CDH13: variants seen among roughly 807,000 people sequenced by gnomAD.
The protein encoded by CDH13 is cadherin-13.
In CDH13, 24 loss-of-function variants were observed where a neutral mutation model predicts 63.8. The observed-to-expected ratio is 0.38, with a 90% CI of 0.27 to 0.53. CDH13 has a LOEUF of 0.53. Ranked by LOEUF, CDH13 falls within the 20% of genes least tolerant of loss-of-function variation. The pLI, the probability that CDH13 is intolerant of heterozygous loss-of-function variation, is 0.85. For synonymous variants in CDH13, 503 were observed against 355.3 expected, an observed-to-expected ratio of 1.42 and a Z score of -4.67; for missense variants, 1,049 against 903.1, an observed-to-expected ratio of 1.16 and a Z score of -2.07.
chr16:83,395,215 G>A (rs28452710), intron 6 of CDH13, among the ~76,000 whole-genome samples: 11,643 of 151,132 alleles, frequency 0.077, 482 homozygotes, highest in East Asian at 0.17. Flanking sequence ...TTGGGAGGCT[G>A]AGGCAGGAGA....
chr16:83,452,750 G>A (rs994614811), intron 6 of CDH13, among the ~76,000 whole-genome samples: 6 of 152,120 alleles, frequency 3.9e-5, no homozygotes, highest in South Asian at 2.1e-4. Context: ...GAAGTACCTC[G>A]GTGAAAGAAA....
Position 83,187,320 on chromosome 16 carries a change from A to G in CDH13, c.484-30025A>G, listed in dbSNP as rs8053131. 4.0e-3 allele frequency among the ~76,000 whole-genome samples: 604 copies of G among 152,266 alleles called. 7 individuals are homozygous for G. Among genetic ancestry groups the G allele is most frequent in the African/African-American group, 0.014 (580 of 41,546 alleles). On this transcript the variant is annotated intron_variant, in intron 4 of 13. Transcript: ENST00000567109. Reference sequence around the variant, plus strand: ...ACAACAGTCACTCAAAGGAAGAAGGATATTTGCATTATTAGAGCACCTTCA... The same window carrying G: ...ACAACAGTCACTCAAAGGAAGAAGGGTATTTGCATTATTAGAGCACCTTCA...
intron 4 of CDH13, among the ~76,000 whole-genome samples, chr16:83,194,808 C>A (rs893207736): frequency 3.9e-5 from 6 of 152,122 alleles, no homozygotes; most frequent in African/African-American, 1.4e-4. Context: ...CACTTTGTGA[C>A]GGCCAGGCCT....
chr16:83,072,182 T>A (rs2032487048), intron 3 of CDH13, among the ~76,000 whole-genome samples: 1 of 152,190 alleles, frequency 6.6e-6, no homozygotes, highest in Admixed American at 6.5e-5. Context: ...TAATCTCAAT[T>A]TGGGTGCTAA....
chr16:82,884,176 A>G (rs973812316), intron 2 of CDH13: 10 of 455,780 alleles, frequency 2.2e-5, no homozygotes, highest in Non-Finnish European at 4.4e-5. Context: ...TCTTTCCAAC[A>G]TAATACAGAT....
intron 2 of CDH13, among the ~76,000 whole-genome samples, chr16:82,889,018 C>G (rs1318509088): frequency 6.6e-6 from 1 of 152,138 alleles, no homozygotes; most frequent in Non-Finnish European, 1.5e-5. Flanking sequence ...CTTCCCTGGG[C>G]TATAATCATT....
intron 1 of CDH13, among the ~76,000 whole-genome samples, chr16:82,805,539 A>G (rs1006106925): frequency 3.3e-5 from 5 of 152,194 alleles, no homozygotes; most frequent in Non-Finnish European, 5.9e-5. Flanking sequence ...AACTGCGGGC[A>G]GGGCCAATGA....
chr16:82,788,261 ATGGGATGGT>A (rs1422575313), intron 1 of CDH13, among the ~76,000 whole-genome samples: 1 of 152,150 alleles, frequency 6.6e-6, no homozygotes, highest in African/African-American at 2.4e-5. Flanking sequence ...TTGACTTGAC[ATGGGATGGT>A]TGGGATGGTT....
At chr16:83,687,352 C>A (rs1904408446) in intron 10 of CDH13, among the ~76,000 whole-genome samples, 1 of 152,174 alleles carries the variant, frequency 6.6e-6, no homozygotes, top group Non-Finnish European at 1.5e-5. Flanking sequence ...ATGGCAGCAT[C>A]CACTCAGCTT....
In CDH13 at chr16:83,530,276, A is replaced by T. The variant is rs142455288; in HGVS notation, c.960+43621A>T. On this transcript the variant is annotated intron_variant, in intron 7 of 13. Coordinates refer to ENST00000567109, the MANE Select transcript of CDH13 (RefSeq NM_001257.5). ...TATCAGAAAATTGAGTGCACTGTAA[A>T]GTCAGTCTCTGTAGGTCTCCATAGC... 7.5e-3 allele frequency among the ~76,000 whole-genome samples: 1,140 copies of T among 152,318 alleles called. 17 individuals carry two copies. Among genetic ancestry groups the T allele is most frequent in the African/African-American group, 0.026 (1,060 of 41,568 alleles).
intron 6 of CDH13, among the ~76,000 whole-genome samples, chr16:83,380,976 A>G (rs778705380): frequency 2.3e-4 from 35 of 151,940 alleles, no homozygotes; most frequent in Non-Finnish European, 4.1e-4. Flanking sequence ...TTAGTATATA[A>G]CCTTCTTGTC....
At chr16:83,468,892 G>A (rs1251253823) in intron 6 of CDH13, among the ~76,000 whole-genome samples, 1 of 152,200 alleles carries the variant, frequency 6.6e-6, no homozygotes, top group Non-Finnish European at 1.5e-5. Flanking sequence ...GCACGCATTA[G>A]CCCAGTGTAA....
intron 6 of CDH13, among the ~76,000 whole-genome samples, chr16:83,386,236 A>G (rs1189305435): frequency 6.6e-6 from 1 of 152,186 alleles, no homozygotes; most frequent in Admixed American, 6.5e-5. Flanking sequence ...CCACATGGAG[A>G]AAAGATGTGT....
intron 2 of CDH13, among the ~76,000 whole-genome samples, chr16:83,028,201 G>A (rs963997109): frequency 3.3e-5 from 5 of 152,178 alleles, no homozygotes; most frequent in African/African-American, 1.2e-4. Context: ...TTTGCCTCCA[G>A]TGGATGAATA....
At chr16:83,585,264 A>C (rs1906035109) in intron 7 of CDH13, among the ~76,000 whole-genome samples, 1 of 152,080 alleles carries the variant, frequency 6.6e-6, no homozygotes, top group Non-Finnish European at 1.5e-5. Flanking sequence ...GATCACTCCG[A>C]ATTTATATTT....
intron 1 of CDH13, among the ~76,000 whole-genome samples, chr16:82,692,095 G>C (rs1192458445): frequency 6.6e-6 from 1 of 152,190 alleles, no homozygotes; most frequent in African/African-American, 2.4e-5. Context: ...CATTAGAAAA[G>C]TACATGAATT....
chr16:82,872,961 T>G (rs970583007), intron 2 of CDH13, among the ~76,000 whole-genome samples: 8 of 152,154 alleles, frequency 5.3e-5, no homozygotes, highest in Non-Finnish European at 8.8e-5. Flanking sequence ...GCAAACATGA[T>G]ATAATAAACC....
At position 83,310,447 on chromosome 16, in the gene CDH13, G is replaced by A. The variant is rs192086465; in HGVS notation, c.637-34415G>A. On this transcript the variant is annotated intron_variant, in intron 5 of 13. Coordinates refer to ENST00000567109, the MANE Select transcript of CDH13 (RefSeq NM_001257.5). ...AAATATATGTAACAGATGCATATTT[G>A]TGTGGATGTACACACATACGTACAG... is the stretch of plus-strand genomic sequence containing the variant. 1.0e-3 allele frequency among the ~76,000 whole-genome samples: 158 copies of A among 152,302 alleles called. 1 individual carries two copies. The highest frequency in any genetic ancestry group is 3.6e-3 in the African/African-American group (148 of 41,556).
At chr16:83,280,893 G>A (rs1397382612) in intron 5 of CDH13, among the ~76,000 whole-genome samples, 1 of 152,182 alleles carries the variant, frequency 6.6e-6, no homozygotes, top group Non-Finnish European at 1.5e-5. Context: ...TTCCTGAGCA[G>A]TAAGTCTGAG....
Sources: allele counts gnomAD v4.1 joint callset (sites outside exome capture counted in the v4.1 genomes callset), GRCh38; gene constraint gnomAD v4.1.1; transcripts MANE v1.5; gene names NCBI Gene and HGNC (gene_info 2026-07-23, HGNC 2026-07-21).